Variants in GSAP observed in about 807,000 individuals in gnomAD.
GSAP encodes gamma-secretase activating protein, also known as gamma-secretase-activating protein.
A neutral mutation model predicts 131.7 loss-of-function variants in GSAP; 118 were observed. The ratio of observed to expected loss-of-function variants is 0.90; its 90% CI spans 0.77 to 1.04. The LOEUF (loss-of-function observed/expected upper bound fraction) is 1.04. Among genes scored for constraint, GSAP ranks in the 50% least tolerant of loss-of-function variants. The probability of loss-of-function intolerance (pLI) is 0.00; values close to 1 mark genes in which losing one functional copy is unlikely to be tolerated. For missense variants in GSAP, 1,019 were observed against 1,013.2 expected (o/e 1.01, Z -0.08); for synonymous variants, 381 against 363.4 (o/e 1.05, Z -0.55).
At chr7:77,331,001 T>C (rs926187953) in intron 19 of GSAP, among the ~76,000 whole-genome samples, 3 of 152,212 alleles carry the variant, frequency 2.0e-5, no homozygotes, top group Non-Finnish European at 2.9e-5. Context: ...TTTTAAATAA[T>C]AAAATGCAAT....
intron 1 of GSAP, among the ~76,000 whole-genome samples, chr7:77,409,856 A>G (rs548787148): frequency 6.0e-4 from 92 of 152,210 alleles, no homozygotes; most frequent in Non-Finnish European, 1.1e-3. Flanking sequence ...ACAAACGCAG[A>G]TTACAATAAA....
At chr7:77,316,946 CTTCTT>C (rs1795025136) in intron 26 of GSAP, among the ~76,000 whole-genome samples, 1 of 152,154 alleles carries the variant, frequency 6.6e-6, no homozygotes, top group Non-Finnish European at 1.5e-5. Flanking sequence ...TCCCCATTCT[CTTCTT>C]AACTTTAACC....
chr7:77,314,747 G>T (rs1794788451), intron 26 of GSAP: 2 of 332,378 alleles, frequency 6.0e-6, no homozygotes, highest in Non-Finnish European at 1.1e-5. Context: ...CAGAGCAAGG[G>T]CCTGCTCAAT....
intron 10 of GSAP, among the ~76,000 whole-genome samples, 154 bp from the exon 11 acceptor site, chr7:77,375,255 T>G (rs551997098): frequency 7.9e-5 from 12 of 152,292 alleles, no homozygotes; most frequent in Admixed American, 2.6e-4. Context: ...ATACTCCAAA[T>G]CCATTGCATA....
chr7:77,324,097 G>A (rs189283662), intron 23 of GSAP, among the ~76,000 whole-genome samples: 16 of 152,248 alleles, frequency 1.1e-4, no homozygotes, highest in African/African-American at 3.6e-4. Context: ...CTAGAGTCCT[G>A]GGGGATTAAC....
chr7:77,337,313 T>G (rs1790168005), intron 19 of GSAP, among the ~76,000 whole-genome samples: 1 of 146,746 alleles, frequency 6.8e-6, no homozygotes, highest in African/African-American at 2.5e-5. Flanking sequence ...GGGGGGGGGT[T>G]ACAGGCGTGT....
rs775914354 is a variant in GSAP, at chr7:77,326,259, G to C, written c.1780C>G (p.Pro594Ala). Reference sequence around the variant, plus strand: ...TGGCTGTCTTCCTCCTGCAGGAGGGGTGTTAATCTTGGCCCTGAAATGAAA... The same window carrying C: ...TGGCTGTCTTCCTCCTGCAGGAGGGCTGTTAATCTTGGCCCTGAAATGAAA... ...EARNLGPRLT[P>A]LLQEEDSHQR... The change falls in exon 23 of 31, where the codon CCC becomes GCC. Residue 594 changes from proline (P) to alanine (A), a missense_variant. Coordinates refer to ENST00000257626, the MANE Select transcript of GSAP (RefSeq NM_017439.4). The C allele has an allele frequency of 1.9e-6, 3 of 1,611,462 alleles. No homozygotes were observed. Among genetic ancestry groups the C allele is most frequent in the Admixed American group, 3.3e-5 (2 of 59,882 alleles).
intron 5 of GSAP, among the ~76,000 whole-genome samples, chr7:77,396,338 C>CAA (rs1800389452): frequency 6.6e-6 from 1 of 152,020 alleles, no homozygotes; most frequent in African/African-American, 2.4e-5. Context: ...TCTCTCTGGC[C>CAA]AATGTATGCA....
At chr7:77,377,946 T>C (rs1797200254) in intron 8 of GSAP, among the ~76,000 whole-genome samples, 1 of 152,202 alleles carries the variant, frequency 6.6e-6, no homozygotes, top group Non-Finnish European at 1.5e-5. Context: ...ACTTAACTAC[T>C]CATTCTTCAA....
chr7:77,360,459 A>G (rs965832701), intron 14 of GSAP, among the ~76,000 whole-genome samples: 2 of 152,238 alleles, frequency 1.3e-5, no homozygotes, highest in African/African-American at 4.8e-5. Context: ...CTCTATAATC[A>G]AGGGATAACA....
intron 12 of GSAP, among the ~76,000 whole-genome samples, chr7:77,370,347 G>C (rs1450723087): frequency 2.0e-5 from 3 of 152,264 alleles, no homozygotes; most frequent in African/African-American, 7.2e-5. Context: ...TGTAATCCCA[G>C]CTACTCGGAA....
chr7:77,404,500 G>A (rs1801907088), intron 3 of GSAP, 59 bp downstream of exon 3: 1 of 818,004 alleles, frequency 1.2e-6, no homozygotes, highest in Non-Finnish European at 2.1e-6. Flanking sequence ...AGAAAAAGGA[G>A]GAGACAAAGA....
At chr7:77,341,493 T>C (rs1038120614) in intron 19 of GSAP, among the ~76,000 whole-genome samples, 1 of 152,224 alleles carries the variant, frequency 6.6e-6, no homozygotes. Flanking sequence ...AATTTCCTCT[T>C]AAAGAGGTGG....
chr7:77,391,739 G>A (rs2151099188), intron 5 of GSAP, among the ~76,000 whole-genome samples: 1 of 152,292 alleles, frequency 6.6e-6, no homozygotes, highest in Middle Eastern at 3.4e-3. Flanking sequence ...GAAGGTTGAG[G>A]TGGGAAGATC....
intron 19 of GSAP, among the ~76,000 whole-genome samples, chr7:77,332,316 T>C (rs1399255584): frequency 1.3e-5 from 2 of 152,162 alleles, no homozygotes; most frequent in African/African-American, 4.8e-5. Context: ...TTTGGGGAGG[T>C]AGGCACATTT....
At chr7:77,364,582 T>C (rs990609146) in intron 12 of GSAP, among the ~76,000 whole-genome samples, 1 of 150,792 alleles carries the variant, frequency 6.6e-6, no homozygotes, top group South Asian at 2.1e-4. Context: ...AAATGACAAG[T>C]TAATGGGTGC....
At chr7:77,356,576 C>T (rs550261167) in intron 14 of GSAP, among the ~76,000 whole-genome samples, 1 of 152,258 alleles carries the variant, frequency 6.6e-6, no homozygotes, top group Non-Finnish European at 1.5e-5. Context: ...TATTTCCTTG[C>T]ATATCAAGCT....
At chr7:77,399,107 G>A (rs1353661293) in intron 3 of GSAP, among the ~76,000 whole-genome samples, 1 of 152,132 alleles carries the variant, frequency 6.6e-6, no homozygotes, top group Non-Finnish European at 1.5e-5. Flanking sequence ...ACATAAACCT[G>A]TGTGAATTTG....
intron 12 of GSAP, among the ~76,000 whole-genome samples, chr7:77,364,170 A>G (rs1030841314): frequency 6.6e-6 from 1 of 152,136 alleles, no homozygotes; most frequent in Non-Finnish European, 1.5e-5. Flanking sequence ...CTTCTTACAC[A>G]ATTCTCAAAT....
Sources: allele counts gnomAD v4.1 joint callset (sites outside exome capture counted in the v4.1 genomes callset), GRCh38; gene constraint gnomAD v4.1.1; transcripts MANE v1.5; gene names NCBI Gene and HGNC (gene_info 2026-07-23, HGNC 2026-07-21).